Variants in RAB36 observed in about 807,000 individuals in gnomAD.
The protein encoded by RAB36 is ras-related protein Rab-36.
RAB36 carries 33 observed loss-of-function variants against 39.3 expected under a neutral mutation model. The ratio of observed to expected loss-of-function variants is 0.84; its 90% CI spans 0.64 to 1.12. RAB36 has a LOEUF of 1.12. RAB36 is among the 50% of genes most tolerant of loss of function. The pLI is 0.00. For missense variants in RAB36, 308 were observed against 355.3 expected, an observed-to-expected ratio of 0.87 and a Z score of 1.07; for synonymous variants, 133 against 140.2, an observed-to-expected ratio of 0.95 and a Z score of 0.36.
At chr22:23,159,419 T>A (rs2071649823) in intron 9 of RAB36, among the ~76,000 whole-genome samples, 166 bp downstream of exon 9, 1 of 152,200 alleles carries the variant, frequency 6.6e-6, no homozygotes, top group Admixed American at 6.5e-5. Context: ...CTGGCAGCAC[T>A]TTCATTGCCT....
intron 1 of RAB36, chr22:23,146,087 C>T (rs1601879593): frequency 1.1e-6 from 1 of 911,320 alleles, no homozygotes. Context: ...AGACCCAGGT[C>T]TTCTGACTCC....
In RAB36 at chr22:23,161,663, C is replaced by T. The variant is rs2071814631; in HGVS notation, c.*99C>T. The stretch of plus-strand genomic sequence containing the variant: ...CTGGAGCCCAAGCTCTGCAGCGTGT[C>T]GCCCTCAAGCTGTAGGCCCATGTTC... On this transcript the variant is annotated 3_prime_UTR_variant, in exon 11 of 11. Coordinates refer to ENST00000263116, the MANE Select transcript of RAB36 (RefSeq NM_004914.5). 6.4e-6 allele frequency: 7 copies of T among 1,091,724 alleles called. No homozygotes were observed. In the East Asian group the frequency reaches 7.8e-5, roughly 12 times the overall value. The allele number at this position is 1,091,724 out of a possible 1,614,324, so 67.6% of individuals were successfully genotyped here.
At chr22:23,149,942 G>A (rs2071006277) in intron 2 of RAB36, 121 bp from the exon 3 acceptor site, 1 of 764,696 alleles carries the variant, frequency 1.3e-6, no homozygotes, top group South Asian at 1.5e-5. Flanking sequence ...AAGCTAATGA[G>A]GCTGCCAGCT....
At position 23,145,680 on chromosome 22, in the gene RAB36, T is replaced by TGCG. The variant is rs1196233451; in HGVS notation, c.-13+132_-13+134dup. The TGCG allele has an allele frequency of 1.4e-5, 16 of 1,159,116 alleles. No individual in the cohort carries two copies. The East Asian group carries it at 3.4e-4, about 24-fold the overall frequency. The allele number at this position is 1,159,116 out of a possible 1,614,324, so 71.8% of individuals were successfully genotyped here. A position where few individuals can be genotyped will look rare whatever the true frequency, so the allele number is the denominator to read the frequency against. ...CCGCCCCTATAACTTGAAAGCGGCC[T>TGCG]GCGGCCCCGGGGCGTCCTCATTTCC... On this transcript the variant is annotated intron_variant, in intron 1 of 10. Transcript: ENST00000263116.
chr22:23,155,417 T>C (rs1250315105), intron 5 of RAB36, among the ~76,000 whole-genome samples: 1 of 152,186 alleles, frequency 6.6e-6, no homozygotes, highest in Non-Finnish European at 1.5e-5. Context: ...TTCTTCTCAC[T>C]ACTGTGCTCC....
chr22:23,151,077 G>C (rs958938347), intron 3 of RAB36, among the ~76,000 whole-genome samples: 9 of 152,256 alleles, frequency 5.9e-5, no homozygotes, highest in African/African-American at 2.2e-4. Context: ...TCTGCTCAGG[G>C]AGTTGGCTGA....
At chr22:23,154,409 C>A (rs968262892) in intron 5 of RAB36, among the ~76,000 whole-genome samples, 1 of 152,226 alleles carries the variant, frequency 6.6e-6, no homozygotes, top group Non-Finnish European at 1.5e-5. Flanking sequence ...TCCACAGCCC[C>A]AGCAAAGCCC....
chr22:23,161,696 TCCAC>T lies in RAB36; in HGVS notation c.*142_*145del. 2.6e-6 allele frequency: 2 copies of T among 760,826 alleles called. No homozygotes were observed. The highest frequency in any genetic ancestry group is 1.8e-5 in the African/African-American group (1 of 56,892). The allele number at this position is 760,826 out of a possible 1,614,324, so 47.1% of individuals were successfully genotyped here. ...AGCTGTAGGCCCATGTTCCAGTCCCTCCACCCACCCACCGGGCTCAGCTCCAGGG... is the reference window on the plus strand; with the variant it reads ...AGCTGTAGGCCCATGTTCCAGTCCCTCCACCCACCGGGCTCAGCTCCAGGG... On this transcript the variant is annotated 3_prime_UTR_variant, in exon 11 of 11. Coordinates refer to ENST00000263116, the MANE Select transcript of RAB36 (RefSeq NM_004914.5).
In RAB36 at chr22:23,161,669, C is replaced by A; in HGVS notation, c.*105C>A. ...CCCAAGCTCTGCAGCGTGTCGCCCT[C>A]AAGCTGTAGGCCCATGTTCCAGTCC... is the stretch of plus-strand genomic sequence containing the variant. On this transcript the variant is annotated 3_prime_UTR_variant, in exon 11 of 11. Transcript: ENST00000263116. The A allele has an allele frequency of 9.7e-7, 1 of 1,035,594 alleles. No individual in the cohort carries two copies. Among genetic ancestry groups the A allele is most frequent in the Non-Finnish European group, 1.4e-6 (1 of 712,566 alleles). The allele number at this position is 1,035,594 out of a possible 1,614,324, so 64.2% of individuals were successfully genotyped here. A position where few individuals can be genotyped will look rare whatever the true frequency, so the allele number is the denominator to read the frequency against.
rs773139074 is a variant in RAB36 at position 23,153,075 on chromosome 22, T to C, written c.270T>C (p.Ile90=). The change falls in exon 5 of 11, where the codon ATT becomes ATC. Residue 90 remains isoleucine, a synonymous_variant. Coordinates refer to ENST00000263116, the MANE Select transcript of RAB36 (RefSeq NM_004914.5). ...NVFDRDYKAT[I]GVDFEIERFE... ...TTGATCGAGACTACAAGGCCACCAT[T>C]GGGGTGGACTTTGAAATTGAGCGCT... The C allele has an allele frequency of 3.7e-6, 6 of 1,614,096 alleles. No individual in the cohort carries two copies. Among genetic ancestry groups the C allele is most frequent in the South Asian group, 1.1e-5 (1 of 91,086 alleles).
chr22:23,167,762 G>T (rs1319550959), downstream of RAB36, among the ~76,000 whole-genome samples: 1 of 151,572 alleles, frequency 6.6e-6, no homozygotes, highest in Non-Finnish European at 1.5e-5. Context: ...TGCCTGGGCT[G>T]GCCTCAAACT....
downstream of RAB36, among the ~76,000 whole-genome samples, chr22:23,168,447 G>A (rs954008528): frequency 5.3e-5 from 8 of 152,330 alleles, no homozygotes; most frequent in East Asian, 1.4e-3. Context: ...CCTCTCCTGA[G>A]GGAGAAGCGG....
chr22:23,149,077 A>G (rs2070958884), intron 2 of RAB36, among the ~76,000 whole-genome samples: 1 of 152,072 alleles, frequency 6.6e-6, no homozygotes, highest in African/African-American at 2.4e-5. Flanking sequence ...GCTGGAACTG[A>G]GAGGGCAGAT....
chr22:23,168,580 C>T (rs1229694415), downstream of RAB36, among the ~76,000 whole-genome samples: 1 of 152,216 alleles, frequency 6.6e-6, no homozygotes, highest in Non-Finnish European at 1.5e-5. Flanking sequence ...CCTCTGCCAT[C>T]TGCTGTGGCC....
In RAB36 at chr22:23,164,325, GATT is replaced by G. The variant is rs923317596; in HGVS notation, c.*2763_*2765del. The G allele has an allele frequency of 2.6e-5, 4 of 152,228 alleles. No individual in the cohort carries two copies. The highest frequency in any genetic ancestry group is 4.8e-5 in the African/African-American group (2 of 41,442). 9.4% of individuals were successfully genotyped at this position (152,228 alleles called of 1,614,324 possible). ...ACCCCCACCTCTGTAAATGGTCCTT[GATT>G]AAATCGTCCTCATATTACCTCCTGC... On this transcript the variant is annotated 3_prime_UTR_variant, in exon 11 of 11. Coordinates refer to ENST00000263116, the MANE Select transcript of RAB36 (RefSeq NM_004914.5).
upstream of RAB36, chr22:23,145,462 T>TC (rs1335515361): frequency 6.2e-7 from 1 of 1,610,018 alleles, no homozygotes. Flanking sequence ...AGCCCGCAGG[T>TC]CCCGCGTGGC....
In RAB36 at chr22:23,162,914, CT is replaced by C. The variant is rs5844548; in HGVS notation, c.*1364del. The C allele has an allele frequency of 0.045, 13,402 of 297,210 alleles. No individual in the cohort carries two copies. Among genetic ancestry groups the C allele is most frequent in the South Asian group, 0.059 (2,075 of 35,252 alleles). The allele number at this position is 297,210 out of a possible 1,614,324, so 18.4% of individuals were successfully genotyped here. Reference sequence around the variant, plus strand: ...TTTTTGTAGTTTTTTATATAAATGACTTTTTTTTTTTTTTGAGATGGAGTTT... The same window carrying C: ...TTTTTGTAGTTTTTTATATAAATGACTTTTTTTTTTTTTGAGATGGAGTTT... On this transcript the variant is annotated 3_prime_UTR_variant, in exon 11 of 11. Coordinates refer to ENST00000263116, the MANE Select transcript of RAB36 (RefSeq NM_004914.5).
chr22:23,159,132 A>G, intron 8 of RAB36, 31 bp from the exon 9 acceptor site: 1 of 1,607,328 alleles, frequency 6.2e-7, no homozygotes, highest in Non-Finnish European at 8.5e-7. Flanking sequence ...GAGAGCCGGG[A>G]CGCTGGGTCA....
chr22:23,155,749 T>A (rs1362050749), intron 5 of RAB36, among the ~76,000 whole-genome samples: 1 of 152,076 alleles, frequency 6.6e-6, no homozygotes, highest in African/African-American at 2.4e-5. Context: ...CACACCCCCA[T>A]CCACTAGGAA....
Sources: gnomAD v4.1 joint callset for allele counts (sites outside exome capture counted in the v4.1 genomes callset) on GRCh38, gnomAD v4.1.1 for gene constraint, MANE v1.5 for transcripts, NCBI Gene and HGNC (gene_info 2026-07-23, HGNC 2026-07-21) for gene names.